Variants in CDK14 observed in about 807,000 individuals in gnomAD.
The protein encoded by CDK14 is cyclin dependent kinase 14.
A neutral mutation model predicts 60.7 loss-of-function variants in CDK14; 34 were observed. The ratio of observed to expected loss-of-function variants is 0.56; its 90% CI spans 0.43 to 0.75. CDK14 has a LOEUF of 0.75. Ranked by LOEUF, CDK14 falls within the 30% of genes least tolerant of loss-of-function variation. The pLI, the probability that CDK14 is intolerant of heterozygous loss-of-function variation, is 0.00. For missense variants in CDK14, 482 were observed against 564.1 expected (o/e 0.85, Z 1.47); for synonymous variants, 197 against 203.7 (o/e 0.97, Z 0.28).
intron 2 of CDK14, among the ~76,000 whole-genome samples, chr7:90,717,683 G>A (rs781677480): frequency 1.3e-5 from 2 of 152,090 alleles, no homozygotes; most frequent in South Asian, 2.1e-4. Flanking sequence ...AACTCAGAAG[G>A]TACCTTGTTT....
At chr7:91,129,377 G>A (rs1800053034) in intron 14 of CDK14, among the ~76,000 whole-genome samples, 1 of 152,168 alleles carries the variant, frequency 6.6e-6, no homozygotes, top group African/African-American at 2.4e-5. Flanking sequence ...TATTCTTGAT[G>A]AGGAAGTTAA....
At chr7:90,808,924 T>C (rs922809346) in intron 5 of CDK14, among the ~76,000 whole-genome samples, 6 of 152,122 alleles carry the variant, frequency 3.9e-5, no homozygotes, top group African/African-American at 1.4e-4. Context: ...GAGCTAATTA[T>C]CCTAAATATA....
intron 12 of CDK14, among the ~76,000 whole-genome samples, chr7:91,111,588 C>CT (rs1267908289): frequency 6.6e-6 from 1 of 152,164 alleles, no homozygotes; most frequent in African/African-American, 2.4e-5. Context: ...TCTCAACTTG[C>CT]TACCCAAGTG....
intron 6 of CDK14, among the ~76,000 whole-genome samples, chr7:90,879,047 A>G (rs1791656236): frequency 6.6e-6 from 1 of 152,240 alleles, no homozygotes. Context: ...GAAGTTAGGC[A>G]TGGCCAGGTG....
chr7:90,596,797 C>A, intron 1 of CDK14, 79 bp downstream of exon 1: 1 of 1,206,978 alleles, frequency 8.3e-7, no homozygotes, highest in Non-Finnish European at 1.2e-6. Flanking sequence ...TGGCACCAGC[C>A]ATGCAGCTGC....
chr7:90,770,920 T>A (rs1804760906), intron 4 of CDK14, among the ~76,000 whole-genome samples: 1 of 152,204 alleles, frequency 6.6e-6, no homozygotes, highest in South Asian at 2.1e-4. Flanking sequence ...TTGGCCCCCA[T>A]CCTTGACAGC....
chr7:91,032,357 G>C (rs543029435), intron 10 of CDK14, among the ~76,000 whole-genome samples: 1 of 152,200 alleles, frequency 6.6e-6, no homozygotes, highest in East Asian at 1.9e-4. Context: ...ATTTTACTCT[G>C]TAGTAGGTTA....
chr7:90,667,658 C>T (rs1801012323), intron 2 of CDK14, among the ~76,000 whole-genome samples: 1 of 152,018 alleles, frequency 6.6e-6, no homozygotes, highest in Non-Finnish European at 1.5e-5. Flanking sequence ...CAAGCTCTGC[C>T]TCCTGGGTTC....
chr7:91,039,624 G>T (rs2115990630), intron 10 of CDK14, among the ~76,000 whole-genome samples: 1 of 152,222 alleles, frequency 6.6e-6, no homozygotes, highest in African/African-American at 2.4e-5. Flanking sequence ...TTTGATTCAA[G>T]TATGCAATTG....
intron 2 of CDK14, among the ~76,000 whole-genome samples, chr7:90,654,211 G>A (rs1256063819): frequency 6.6e-6 from 1 of 152,118 alleles, no homozygotes; most frequent in African/African-American, 2.4e-5. Flanking sequence ...ATAAGAAATA[G>A]CTAAAGCATG....
At chr7:91,202,249 A>G (rs1253559559) in intron 14 of CDK14, among the ~76,000 whole-genome samples, 1 of 152,252 alleles carries the variant, frequency 6.6e-6, no homozygotes, top group Non-Finnish European at 1.5e-5. Context: ...ATTTATAGCC[A>G]AGAAGCTCTA....
chr7:90,979,772 T>C (rs1003898202), intron 9 of CDK14: 1 of 152,224 alleles, frequency 6.6e-6, no homozygotes, highest in Non-Finnish European at 1.5e-5. Context: ...GAAGACTTAA[T>C]TGAAGATTAT....
At chr7:91,189,978 A>T (rs1038318476) in intron 14 of CDK14, among the ~76,000 whole-genome samples, 1 of 152,218 alleles carries the variant, frequency 6.6e-6, no homozygotes, top group African/African-American at 2.4e-5. Flanking sequence ...TCATCACTGA[A>T]TAAGGAATAG....
chr7:90,696,372 G>A lies in CDK14; in HGVS notation c.124-30195G>A, dbSNP rs572225350. On this transcript the variant is annotated intron_variant, in intron 2 of 14. Transcript: ENST00000380050. ...TTTTTTTTTTTTGAGACAGAGACTG[G>A]CTCTGTTGCCCAGGCTGGATTGCAA... is the stretch of plus-strand genomic sequence containing the variant. Among the ~76,000 whole-genome samples the A allele has an allele frequency of 8.9e-4, 124 of 139,226 alleles. 1 individual carries two copies. The highest frequency in any genetic ancestry group is 1.6e-3 in the Non-Finnish European group (104 of 65,904). 91.3% of individuals were successfully genotyped at this position (139,226 alleles called of 152,430 possible).
chr7:90,867,693 A>G (rs968640680), intron 6 of CDK14, among the ~76,000 whole-genome samples: 2 of 152,108 alleles, frequency 1.3e-5, no homozygotes, highest in African/African-American at 4.8e-5. Flanking sequence ...TGGATACAAG[A>G]TGGATGATAA....
chr7:90,743,025 A>G (rs1803417322), intron 3 of CDK14, among the ~76,000 whole-genome samples: 1 of 152,086 alleles, frequency 6.6e-6, no homozygotes, highest in Non-Finnish European at 1.5e-5. Context: ...CCTGAATGTA[A>G]TTTTATACAA....
At chr7:91,103,323 T>C in intron 12 of CDK14, among the ~76,000 whole-genome samples, 1 of 152,188 alleles carries the variant, frequency 6.6e-6, no homozygotes, top group African/African-American at 2.4e-5. Context: ...ACCTCCTCTT[T>C]TTCTTTTTTG....
intron 6 of CDK14, among the ~76,000 whole-genome samples, chr7:90,889,473 A>G (rs1410273654): frequency 6.6e-6 from 1 of 152,226 alleles, no homozygotes; most frequent in African/African-American, 2.4e-5. Context: ...CAGAAATGAC[A>G]GCTGAAATCA....
intron 8 of CDK14, among the ~76,000 whole-genome samples, chr7:90,926,073 T>C (rs78341067): frequency 0.073 from 11,178 of 152,286 alleles, 531 homozygotes; most frequent in Middle Eastern, 0.21. Flanking sequence ...TTATTATTCC[T>C]AATATTATTG....
Sources: allele counts gnomAD v4.1 joint callset (sites outside exome capture counted in the v4.1 genomes callset), GRCh38; gene constraint gnomAD v4.1.1; transcripts MANE v1.5; gene names NCBI Gene and HGNC (gene_info 2026-07-23, HGNC 2026-07-21).